PRKN: variants seen among roughly 807,000 people sequenced by gnomAD.
PRKN encodes the protein E3 ubiquitin-protein ligase parkin.
In PRKN, 56 loss-of-function variants were observed where a neutral mutation model predicts 59.5. The ratio of observed to expected loss-of-function variants is 0.94; its 90% CI spans 0.76 to 1.18. The LOEUF (loss-of-function observed/expected upper bound fraction) is 1.18. Among genes scored for constraint, PRKN ranks in the 50% most tolerant of loss-of-function variants. The probability of loss-of-function intolerance (pLI) is 0.00; values close to 1 mark genes in which losing one functional copy is unlikely to be tolerated. For synonymous variants in PRKN, 250 were observed against 222.1 expected, an observed-to-expected ratio of 1.13 and a Z score of -1.12; for missense variants, 657 against 596.4, an observed-to-expected ratio of 1.10 and a Z score of -1.06.
At chr6:162,618,161 A>G (rs1418495671) in intron 1 of PRKN, among the ~76,000 whole-genome samples, 1 of 152,008 alleles carries the variant, frequency 6.6e-6, no homozygotes, top group African/African-American at 2.4e-5. Context: ...GTCATTTTTT[A>G]AAACTGTTTG....
intron 1 of PRKN, among the ~76,000 whole-genome samples, chr6:162,471,946 T>C (rs779187027): frequency 3.3e-5 from 5 of 152,242 alleles, no homozygotes; most frequent in Non-Finnish European, 7.3e-5. Context: ...GCAATCATCA[T>C]ATGACACTTA....
chr6:162,181,828 G>C (rs1210199766), intron 4 of PRKN, among the ~76,000 whole-genome samples: 1 of 152,150 alleles, frequency 6.6e-6, no homozygotes, highest in African/African-American at 2.4e-5. Flanking sequence ...AGATTTAGGG[G>C]TAGGAAAGAA....
chr6:162,567,711 G>GTAGAGTT (rs2128207790), intron 1 of PRKN, among the ~76,000 whole-genome samples: 1 of 152,196 alleles, frequency 6.6e-6, no homozygotes, highest in East Asian at 1.9e-4. Context: ...TACAGTTTCA[G>GTAGAGTT]TGCAATCTCT....
intron 6 of PRKN, among the ~76,000 whole-genome samples, chr6:161,932,147 T>A (rs972570342): frequency 6.6e-6 from 1 of 152,016 alleles, no homozygotes; most frequent in Admixed American, 6.6e-5. Context: ...TTTAAAAAAA[T>A]CTCAGTTAAC....
intron 7 of PRKN, among the ~76,000 whole-genome samples, chr6:161,710,318 C>T (rs1786684255): frequency 6.6e-6 from 1 of 152,184 alleles, no homozygotes; most frequent in Non-Finnish European, 1.5e-5. Flanking sequence ...TTTCAGCACG[C>T]TCATTCACTT....
chr6:161,924,222 T>A (rs1203364023), intron 6 of PRKN, among the ~76,000 whole-genome samples: 1 of 152,156 alleles, frequency 6.6e-6, no homozygotes, highest in South Asian at 2.1e-4. Flanking sequence ...TTACTGCCCC[T>A]ATCACACTAC....
At chr6:161,540,058 C>T (rs1415398449) in intron 9 of PRKN, among the ~76,000 whole-genome samples, 4 of 152,016 alleles carry the variant, frequency 2.6e-5, no homozygotes, top group South Asian at 2.1e-4. Context: ...TGGGGAGATG[C>T]AAGCTGCCTG....
intron 4 of PRKN, among the ~76,000 whole-genome samples, chr6:162,172,794 A>G (rs1030834944): frequency 6.6e-6 from 1 of 152,176 alleles, no homozygotes; most frequent in Non-Finnish European, 1.5e-5. Flanking sequence ...AAAGGAACAA[A>G]ATAAAAATGG....
At chr6:162,559,542 T>C (rs1779751068) in intron 1 of PRKN, among the ~76,000 whole-genome samples, 2 of 152,196 alleles carry the variant, frequency 1.3e-5, no homozygotes, top group Admixed American at 1.3e-4. Flanking sequence ...TACGGGTCAC[T>C]TGTGAAAAGC....
chr6:161,966,260 G>T (rs1780575079), intron 6 of PRKN, among the ~76,000 whole-genome samples: 1 of 151,220 alleles, frequency 6.6e-6, no homozygotes, highest in Admixed American at 6.5e-5. Flanking sequence ...ATAGAAATTT[G>T]GGTATGATAA....
chr6:162,143,804 G>A (rs1781886461), intron 4 of PRKN, among the ~76,000 whole-genome samples: 1 of 152,112 alleles, frequency 6.6e-6, no homozygotes, highest in South Asian at 2.1e-4. Flanking sequence ...AAAATGAGAA[G>A]GCATTTGATT....
intron 6 of PRKN, among the ~76,000 whole-genome samples, chr6:161,936,209 AT>A (rs1203820292): frequency 0.057 from 7,745 of 136,944 alleles, 524 homozygotes; most frequent in African/African-American, 0.18. Context: ...TCATGGCAAC[AT>A]TTTTTTTTTT....
intron 2 of PRKN, among the ~76,000 whole-genome samples, chr6:162,442,457 T>C (rs1415625060): frequency 6.6e-6 from 1 of 152,132 alleles, no homozygotes; most frequent in Non-Finnish European, 1.5e-5. Flanking sequence ...CGTCAACAAA[T>C]GTTGAGTTGT....
rs548611585 is a variant in PRKN, at chr6:162,637,480, C to CA, written c.7+90181dup. Among the ~76,000 whole-genome samples the CA allele has an allele frequency of 6.6e-5, 10 of 152,198 alleles. No homozygotes were observed. The South Asian group carries it at 2.1e-3, about 32-fold the overall frequency. On this transcript the variant is annotated intron_variant, in intron 1 of 11. Coordinates refer to ENST00000366898, the MANE Select transcript of PRKN (RefSeq NM_004562.3). ...AAGTCTTACATGAGAAACCCCTGAG[C>CA]ACAGCTGACAGGAGCTGGACATACA... is the stretch of plus-strand genomic sequence containing the variant.
Position 162,271,864 on chromosome 6 carries a change from C to G in PRKN, c.172-9099G>C, listed in dbSNP as rs370362015. Among the ~76,000 whole-genome samples, 278 of 152,276 alleles carry G rather than the reference C, an allele frequency of 1.8e-3. 3 individuals are homozygous for G. Among genetic ancestry groups the G allele is most frequent in the South Asian group, 0.018 (87 of 4,822 alleles). On this transcript the variant is annotated intron_variant, in intron 2 of 11. Coordinates refer to ENST00000366898, the MANE Select transcript of PRKN (RefSeq NM_004562.3). Reference sequence around the variant, plus strand: ...GATGAATATTTGTGATTTAGCCTTTCAATTTATTTCACATTTCTTATGACT... The same window carrying G: ...GATGAATATTTGTGATTTAGCCTTTGAATTTATTTCACATTTCTTATGACT...
At chr6:162,626,006 T>C (rs1782871932) in intron 1 of PRKN, among the ~76,000 whole-genome samples, 1 of 152,196 alleles carries the variant, frequency 6.6e-6, no homozygotes, top group Admixed American at 6.5e-5. Flanking sequence ...TCTTGACTAA[T>C]GAATGACTTA....
chr6:162,340,729 C>A (rs999657581), intron 2 of PRKN, among the ~76,000 whole-genome samples: 1 of 152,130 alleles, frequency 6.6e-6, no homozygotes, highest in Admixed American at 6.5e-5. Context: ...TAGCCATATG[C>A]AGAAAACTGA....
At chr6:162,572,841 A>G (rs1211204424) in intron 1 of PRKN, among the ~76,000 whole-genome samples, 4 of 151,842 alleles carry the variant, frequency 2.6e-5, no homozygotes, top group African/African-American at 9.7e-5. Flanking sequence ...ACTATTCTCA[A>G]AAAACTCTGC....
intron 1 of PRKN, among the ~76,000 whole-genome samples, chr6:162,543,431 C>T (rs370082294): frequency 3.4e-4 from 51 of 152,018 alleles, no homozygotes; most frequent in African/African-American, 1.1e-3. Flanking sequence ...TTTTTCCCTC[C>T]GAGGCCCTCC....
Sources: allele counts gnomAD v4.1 joint callset (sites outside exome capture counted in the v4.1 genomes callset), GRCh38; gene constraint gnomAD v4.1.1; transcripts MANE v1.5; gene names NCBI Gene and HGNC (gene_info 2026-07-23, HGNC 2026-07-21).